CSMD1: variants seen among roughly 807,000 people sequenced by gnomAD.
CSMD1 encodes CUB and sushi domain-containing protein 1.
Under a neutral mutation model 417.5 loss-of-function variants are expected in CSMD1, and 213 were observed. That is an observed-to-expected ratio of 0.51 (90% confidence interval 0.46 to 0.57). The LOEUF is 0.57. Among genes scored for constraint, CSMD1 ranks in the 20% least tolerant of loss-of-function variants. The pLI, the probability that CSMD1 is intolerant of heterozygous loss-of-function variation, is 0.00. For synonymous variants in CSMD1, 2,862 were observed against 1,736.8 expected (o/e 1.65, Z -16.11); for missense variants, 6,923 against 4,529.7 (o/e 1.53, Z -15.17).
intron 3 of CSMD1, among the ~76,000 whole-genome samples, chr8:4,183,287 A>G (rs1428796274): frequency 1.3e-5 from 2 of 152,214 alleles, no homozygotes; most frequent in Admixed American, 1.3e-4. Context: ...AAAAATATTT[A>G]CACTACAGAA....
intron 5 of CSMD1, among the ~76,000 whole-genome samples, chr8:3,776,092 C>T (rs771722568): frequency 2.0e-5 from 3 of 151,968 alleles, no homozygotes; most frequent in Non-Finnish European, 4.4e-5. Flanking sequence ...TCTACTCTTT[C>T]CCCATCCTCC....
intron 3 of CSMD1, among the ~76,000 whole-genome samples, chr8:4,236,776 G>C (rs1802091183): frequency 6.6e-6 from 1 of 152,128 alleles, no homozygotes; most frequent in Non-Finnish European, 1.5e-5. Flanking sequence ...ATTTTACAAG[G>C]TGGGCAATTA....
In CSMD1 at chr8:2,957,718, A is replaced by C; in HGVS notation, c.9792T>G (p.Ser3264Arg). The stretch of plus-strand genomic sequence containing the variant: ...TACGTATACATTCGGTCTGTATCCC[A>C]CTCCATGTTAAATTGGCAAGGCAGG... ...TRTCLANLTW[S>R]GIQTECIPHA... Residue 3264 changes from serine (S) to arginine (R), a missense_variant, in exon 63 of 70, where the codon AGT becomes AGG. Transcript: ENST00000635120. 6.3e-7 allele frequency: 1 copy of C among 1,593,830 alleles called. No homozygotes were observed. The highest frequency in any genetic ancestry group is 8.6e-7 in the Non-Finnish European group (1 of 1,168,840).
chr8:3,219,507 C>A (rs551582571), intron 28 of CSMD1, 65 bp from the exon 29 acceptor site: 41 of 1,158,888 alleles, frequency 3.5e-5, no homozygotes, highest in East Asian at 2.9e-4. Context: ...GAGTGGTAAG[C>A]CTTTGAGCTC....
In CSMD1 at chr8:3,458,625, G is replaced by T. The variant is rs184634994; in HGVS notation, c.1561+10087C>A. On this transcript the variant is annotated intron_variant, in intron 12 of 69. Transcript: ENST00000635120. ...TCGTCTTGCGTTAAGACAACGGAAC[G>T]CTAGTTGGCCTAGCTGGTAATTCAC... is the stretch of plus-strand genomic sequence containing the variant. 1.8e-3 allele frequency among the ~76,000 whole-genome samples: 274 copies of T among 152,296 alleles called. 2 individuals carry two copies. Among genetic ancestry groups the T allele is most frequent in the African/African-American group, 6.2e-3 (256 of 41,568 alleles).
chr8:4,023,626 G>A (rs1269206835), intron 4 of CSMD1, among the ~76,000 whole-genome samples: 8 of 140,934 alleles, frequency 5.7e-5, no homozygotes, highest in African/African-American at 1.3e-4. Flanking sequence ...TCGCTCTGTC[G>A]CCCAGGCTAG....
At chr8:3,310,519 C>G (rs956366056) in intron 23 of CSMD1, among the ~76,000 whole-genome samples, 8 of 152,182 alleles carry the variant, frequency 5.3e-5, no homozygotes, top group Admixed American at 3.9e-4. Context: ...CTTCCAAAAT[C>G]TTGCGCTATC....
intron 3 of CSMD1, among the ~76,000 whole-genome samples, chr8:4,210,005 G>A (rs771207795): frequency 6.6e-6 from 1 of 152,176 alleles, no homozygotes; most frequent in African/African-American, 2.4e-5. Flanking sequence ...TTCTGCCCCA[G>A]ATCTGTTTTA....
In CSMD1 at chr8:3,479,549, G is replaced by A. The variant is rs917717498; in HGVS notation, c.1449-10725C>T. 2.6e-5 allele frequency among the ~76,000 whole-genome samples: 4 copies of A among 152,258 alleles called. No homozygotes were observed. In the East Asian group the frequency reaches 5.8e-4, roughly 22 times the overall value. ...CCCACCTCGGCCCCCCAAAGTGCTG[G>A]GATTACAGGTGTGAGCCACCGCGCC... On this transcript the variant is annotated intron_variant, in intron 11 of 69. Coordinates refer to ENST00000635120, the MANE Select transcript of CSMD1 (RefSeq NM_033225.6).
At position 3,119,176 on chromosome 8, in the gene CSMD1, TC is replaced by T. The variant is rs200764538; in HGVS notation, c.6242-590del. On this transcript the variant is annotated intron_variant, in intron 41 of 69. Transcript: ENST00000635120. The stretch of plus-strand genomic sequence containing the variant: ...GCCCGGGCGACAGAGCAAGACTCTG[TC>T]CCCCGCCCCAAAAAAAAGGAAATGC... Among the ~76,000 whole-genome samples the T allele has an allele frequency of 7.9e-4, 120 of 151,200 alleles. 2 individuals carry two copies. In the East Asian group the frequency reaches 0.021, roughly 26 times the overall value.
chr8:3,133,227 G>A (rs1475139736), intron 41 of CSMD1, among the ~76,000 whole-genome samples: 1 of 152,090 alleles, frequency 6.6e-6, no homozygotes, highest in Non-Finnish European at 1.5e-5. Flanking sequence ...GGCTGCTGCT[G>A]TCCCAATGGG....
chr8:3,922,470 ATT>A (rs1232399269), intron 5 of CSMD1, among the ~76,000 whole-genome samples: 1 of 151,850 alleles, frequency 6.6e-6, no homozygotes, highest in African/African-American at 2.4e-5. Context: ...TTCTCGTCAC[ATT>A]TTCTTTCATA....
At chr8:3,984,240 C>T (rs1208451481) in intron 5 of CSMD1, among the ~76,000 whole-genome samples, 4 of 141,230 alleles carry the variant, frequency 2.8e-5, no homozygotes, top group South Asian at 2.3e-4. Context: ...TCCTGCAAAG[C>T]GAGTGGCAAG....
At chr8:4,376,526 A>T (rs1294106244) in intron 3 of CSMD1, among the ~76,000 whole-genome samples, 2 of 152,160 alleles carry the variant, frequency 1.3e-5, no homozygotes, top group Non-Finnish European at 2.9e-5. Context: ...CAGTATATTT[A>T]ATCAATTTTT....
chr8:3,409,636 A>C, intron 12 of CSMD1, 31 bp from the exon 13 acceptor site: 1 of 1,505,822 alleles, frequency 6.6e-7, no homozygotes, highest in East Asian at 2.4e-5. Flanking sequence ...GAACCCTTAA[A>C]AAAACACACA....
intron 7 of CSMD1, among the ~76,000 whole-genome samples, chr8:3,624,005 T>G (rs2117211961): frequency 6.6e-6 from 1 of 152,068 alleles, no homozygotes; most frequent in African/African-American, 2.4e-5. Context: ...AAAAAAACCT[T>G]TCTGTACTCT....
chr8:3,599,750 C>G (rs539534016), intron 8 of CSMD1, among the ~76,000 whole-genome samples: 1 of 152,312 alleles, frequency 6.6e-6, no homozygotes, highest in South Asian at 2.1e-4. Context: ...CTCCTCTCTT[C>G]TTTCACCAGG....
chr8:4,186,085 G>A (rs533892309), intron 3 of CSMD1, among the ~76,000 whole-genome samples: 51 of 152,242 alleles, frequency 3.3e-4, no homozygotes, highest in African/African-American at 1.2e-3. Flanking sequence ...AGCTGTTAGA[G>A]GAGGCACCCT....
intron 5 of CSMD1, among the ~76,000 whole-genome samples, chr8:3,881,240 A>G (rs541213348): frequency 5.8e-4 from 80 of 138,600 alleles, no homozygotes; most frequent in African/African-American, 2.0e-3. Flanking sequence ...AAACCTCAAC[A>G]GAGTTTTGTT....
Sources: gnomAD v4.1 joint callset for allele counts (sites outside exome capture counted in the v4.1 genomes callset) on GRCh38, gnomAD v4.1.1 for gene constraint, MANE v1.5 for transcripts, NCBI Gene and HGNC (gene_info 2026-07-23, HGNC 2026-07-21) for gene names.